HS1BP3: variants seen among roughly 807,000 people sequenced by gnomAD.
HS1BP3 encodes the protein HCLS1 binding protein 3, also known as HCLS1-binding protein 3.
HS1BP3 carries 32 observed loss-of-function variants against 33.5 expected under a neutral mutation model. The ratio of observed to expected loss-of-function variants is 0.95; its 90% CI spans 0.72 to 1.28. HS1BP3 has a LOEUF of 1.28. HS1BP3 is among the 50% of genes most tolerant of loss of function. HS1BP3 has a pLI of 0.00. For synonymous variants in HS1BP3, 187 were observed against 209.2 expected (o/e 0.89, Z 0.92); for missense variants, 486 against 502.3 (o/e 0.97, Z 0.31).
downstream of HS1BP3, among the ~76,000 whole-genome samples, chr2:20,613,108 G>T (rs749952099): frequency 3.3e-5 from 5 of 152,134 alleles, no homozygotes; most frequent in Non-Finnish European, 7.4e-5. Flanking sequence ...GAAACAGGTG[G>T]GCAAGAAATC....
intron 1 of HS1BP3, 90 bp downstream of exon 1, chr2:20,650,941 TG>T: frequency 8.9e-7 from 1 of 1,121,136 alleles, no homozygotes; most frequent in African/African-American, 1.6e-5. Context: ...ACCAGGTCCC[TG>T]GCCTAGGAGG....
chr2:20,589,928 C>T (rs1205952746), downstream of HS1BP3, among the ~76,000 whole-genome samples: 2 of 152,158 alleles, frequency 1.3e-5, no homozygotes, highest in Non-Finnish European at 2.9e-5. Flanking sequence ...GTCCTGGAGC[C>T]TCCAGTAGTT....
chr2:20,586,594 A>G (rs929080283), intron 5 of HS1BP3: 1 of 152,248 alleles, frequency 6.6e-6, no homozygotes. Context: ...CTTTCTAACA[A>G]ACAATGTCAC....
intron 1 of HS1BP3, among the ~76,000 whole-genome samples, chr2:20,646,961 T>C (rs1262292257): frequency 6.6e-6 from 1 of 152,202 alleles, no homozygotes; most frequent in Non-Finnish European, 1.5e-5. Flanking sequence ...GGAGCTGCGT[T>C]CAATCCCAGG....
chr2:20,563,856 C>A (rs930466142), intron 5 of HS1BP3, among the ~76,000 whole-genome samples: 1 of 152,168 alleles, frequency 6.6e-6, no homozygotes, highest in Non-Finnish European at 1.5e-5. Flanking sequence ...AATGCAGAGT[C>A]TCAGGCCCCA....
At chr2:20,614,267 G>A (rs1183573914), downstream of HS1BP3, among the ~76,000 whole-genome samples, 3 of 152,174 alleles carry the variant, frequency 2.0e-5, no homozygotes, top group Non-Finnish European at 4.4e-5. Flanking sequence ...TTTTAGACTC[G>A]TGACCCCCAG....
chr2:20,608,594 A>G lies in HS1BP3; in HGVS notation c.179-10329T>C, dbSNP rs529038036. Among the ~76,000 whole-genome samples the G allele has an allele frequency of 4.5e-4, 68 of 150,888 alleles. 1 individual carries two copies. Among genetic ancestry groups the G allele is most frequent in the Admixed American group, 2.8e-3 (43 of 15,206 alleles). On this transcript the variant is annotated intron_variant, in intron 2 of 3. Transcript: ENST00000415264. ...CGTCTCAAAAAAAAAAAAAAAAAAA[A>G]AAGAAGTAGCAGAAACGGGCATCCT...
chr2:20,603,467 G>A (rs536757585), intron 2 of HS1BP3, among the ~76,000 whole-genome samples: 23 of 152,310 alleles, frequency 1.5e-4, no homozygotes, highest in African/African-American at 4.3e-4. Context: ...TATGCTAGGC[G>A]AAAGAAGTCA....
At chr2:20,559,442 G>A (rs1194135669), downstream of HS1BP3, among the ~76,000 whole-genome samples, 4 of 152,158 alleles carry the variant, frequency 2.6e-5, no homozygotes, top group African/African-American at 7.2e-5. Context: ...GGATGGACAG[G>A]TGGATAGATG....
In HS1BP3 at chr2:20,645,472, C is replaced by G; in HGVS notation, c.66G>C (p.Leu22=). 1.9e-6 allele frequency: 3 copies of G among 1,613,824 alleles called. No individual in the cohort carries two copies. In the East Asian group the frequency reaches 6.7e-5, roughly 36 times the overall value. ...RLQNAHTGLD[L]TVPQHQEVRG... Reference sequence around the variant, plus strand: ...GTACCTCCTGGTGCTGGGGCACAGTCAGGTCGAGGCCAGTGTGGGCATTCT... The same window carrying G: ...GTACCTCCTGGTGCTGGGGCACAGTGAGGTCGAGGCCAGTGTGGGCATTCT... The change falls in exon 2 of 7, where the codon CTG becomes CTC. Residue 22 remains leucine (L), a synonymous_variant. Coordinates refer to ENST00000304031, the MANE Select transcript of HS1BP3 (RefSeq NM_022460.4).
intron 5 of HS1BP3, among the ~76,000 whole-genome samples, chr2:20,578,307 T>C (rs1693450792): frequency 6.6e-6 from 1 of 152,182 alleles, no homozygotes. Context: ...AGGAGGGGAC[T>C]TGGTCTCCAT....
rs1695485547 is a variant in HS1BP3, at chr2:20,645,366, T to C, written c.172A>G (p.Arg58Gly). ...RLAAFKSAKH[R>G]PEDVVQFLVS... Reference sequence around the variant, plus strand: ...AAGAACTGGACGACATCCTCGGGCCTGTGCTTGGCCGACTTGAACGCAGCC... The same window carrying C: ...AAGAACTGGACGACATCCTCGGGCCCGTGCTTGGCCGACTTGAACGCAGCC... Residue 58 changes from arginine to glycine, a missense_variant, in exon 2 of 7, where the codon AGG (arginine) becomes GGG (glycine). Transcript: ENST00000304031. 10 of 1,613,720 alleles carry C rather than the reference T, an allele frequency of 6.2e-6. No homozygotes were observed. Among genetic ancestry groups the C allele is most frequent in the African/African-American group, 1.3e-5 (1 of 74,932 alleles).
chr2:20,553,988 C>T, the HS1BP3 span, among the ~76,000 whole-genome samples: 1 of 152,156 alleles, frequency 6.6e-6, no homozygotes, highest in Non-Finnish European at 1.5e-5. Context: ...ACAGCAATAC[C>T]AGGAACCAGA....
At chr2:20,643,744 A>G (rs1448768437) in intron 2 of HS1BP3, among the ~76,000 whole-genome samples, 1 of 152,178 alleles carries the variant, frequency 6.6e-6, no homozygotes, top group Non-Finnish European at 1.5e-5. Context: ...CCTGGACAAC[A>G]TAACAAGACA....
At chr2:20,638,952 G>A (rs1695254824) in intron 3 of HS1BP3, among the ~76,000 whole-genome samples, 1 of 152,240 alleles carries the variant, frequency 6.6e-6, no homozygotes, top group Admixed American at 6.5e-5. Context: ...AGGGGCAGCG[G>A]TTCCTGAACC....
At position 20,644,685 on chromosome 2, in the gene HS1BP3, A is replaced by G. The variant is rs115555582; in HGVS notation, c.198+655T>C. On this transcript the variant is annotated intron_variant, in intron 2 of 6. Coordinates refer to ENST00000304031, the MANE Select transcript of HS1BP3 (RefSeq NM_022460.4). Reference sequence around the variant, plus strand: ...TGATTTGGGAATGACCATATTGGCCATGTATCTGGGCTCCCTGACACCTGT... The same window carrying G: ...TGATTTGGGAATGACCATATTGGCCGTGTATCTGGGCTCCCTGACACCTGT... Among the ~76,000 whole-genome samples, 1,156 of 152,284 alleles carry G rather than the reference A, an allele frequency of 7.6e-3. 19 individuals are homozygous for G. The highest frequency in any genetic ancestry group is 0.027 in the African/African-American group (1,111 of 41,554).
intron 4 of HS1BP3, chr2:20,635,456 G>A (rs1244723319): frequency 1.3e-5 from 2 of 152,142 alleles, no homozygotes; most frequent in South Asian, 2.1e-4. Flanking sequence ...ATATTCAAAG[G>A]TGCATTCAGA....
At chr2:20,569,017 A>G (rs2149271789) in intron 5 of HS1BP3, among the ~76,000 whole-genome samples, 1 of 152,232 alleles carries the variant, frequency 6.6e-6, no homozygotes, top group South Asian at 2.1e-4. Flanking sequence ...GTACTGGTCG[A>G]CTTCGGGCAC....
intron 2 of HS1BP3, chr2:20,606,432 C>T (rs1694177844): frequency 2.1e-6 from 1 of 476,646 alleles, no homozygotes; most frequent in Non-Finnish European, 4.2e-6. Flanking sequence ...TTCAGTCTCT[C>T]AGACACCATA....
Sources: allele counts gnomAD v4.1 joint callset (sites outside exome capture counted in the v4.1 genomes callset), GRCh38; gene constraint gnomAD v4.1.1; transcripts MANE v1.5; gene names NCBI Gene and HGNC (gene_info 2026-07-23, HGNC 2026-07-21).